DACH1: variants seen among roughly 807,000 people sequenced by gnomAD.
DACH1 encodes dachshund family transcription factor 1.
Under a neutral mutation model 54.2 loss-of-function variants are expected in DACH1, and 12 were observed. The ratio of observed to expected loss-of-function variants is 0.22; its 90% CI spans 0.14 to 0.36. DACH1 has a LOEUF of 0.36. Among genes scored for constraint, DACH1 ranks in the 10% least tolerant of loss-of-function variants. DACH1 has a pLI of 1.00. For missense variants in DACH1, 805 were observed against 929.8 expected (o/e 0.87, Z 1.75); for synonymous variants, 386 against 366.2 (o/e 1.05, Z -0.62).
intron 6 of DACH1, among the ~76,000 whole-genome samples, chr13:71,551,939 G>C (rs974117183): frequency 1.3e-5 from 2 of 151,944 alleles, no homozygotes; most frequent in Non-Finnish European, 2.9e-5. Context: ...GAAATCTTGA[G>C]CATTCCCCAC....
At chr13:71,581,285 T>C (rs968126268) in intron 3 of DACH1, among the ~76,000 whole-genome samples, 13 of 152,156 alleles carry the variant, frequency 8.5e-5, no homozygotes, top group African/African-American at 2.9e-4. Context: ...TATTATTTTT[T>C]ATACAGAATC....
intron 1 of DACH1, among the ~76,000 whole-genome samples, chr13:71,750,330 A>G (rs1228531950): frequency 6.6e-6 from 1 of 152,210 alleles, no homozygotes; most frequent in Admixed American, 6.5e-5. Flanking sequence ...CCTTGGACTA[A>G]GAAACTGTAC....
chr13:71,479,599 A>G (rs1194612686), intron 7 of DACH1, among the ~76,000 whole-genome samples: 1 of 152,162 alleles, frequency 6.6e-6, no homozygotes, highest in African/African-American at 2.4e-5. Context: ...GAATATCTAG[A>G]TCCAAAGCTA....
chr13:71,554,638 C>T (rs1884121435), intron 6 of DACH1, among the ~76,000 whole-genome samples: 1 of 152,236 alleles, frequency 6.6e-6, no homozygotes, highest in East Asian at 1.9e-4. Context: ...TTGTCTATCT[C>T]TTAGAAACTT....
chr13:71,766,340 G>C (rs1037175291), intron 1 of DACH1, among the ~76,000 whole-genome samples: 1 of 152,048 alleles, frequency 6.6e-6, no homozygotes, highest in African/African-American at 2.4e-5. Context: ...TCCAATGGCC[G>C]GGCTTCATTC....
chr13:71,550,476 G>C (rs1566333433), intron 6 of DACH1, among the ~76,000 whole-genome samples: 2 of 152,086 alleles, frequency 1.3e-5, no homozygotes, highest in Admixed American at 6.6e-5. Context: ...TGAGAAACTT[G>C]AAAGTTCAGT....
intron 1 of DACH1, among the ~76,000 whole-genome samples, chr13:71,780,237 G>A (rs539483362): frequency 6.6e-6 from 1 of 152,082 alleles, no homozygotes; most frequent in Admixed American, 6.6e-5. Flanking sequence ...AAAGAGCTTG[G>A]CAAGTTGAGG....
At chr13:71,703,201 G>T (rs1169129684) in intron 1 of DACH1, among the ~76,000 whole-genome samples, 3 of 152,134 alleles carry the variant, frequency 2.0e-5, no homozygotes, top group African/African-American at 7.2e-5. Context: ...TTCCCTTCCT[G>T]ACCTTGCCCT....
chr13:71,627,579 T>A (rs1594010183), intron 3 of DACH1, among the ~76,000 whole-genome samples: 1 of 152,044 alleles, frequency 6.6e-6, no homozygotes, highest in African/African-American at 2.4e-5. Flanking sequence ...TTCTTGGGAT[T>A]CCTTCTAGAA....
At chr13:71,799,955 T>C (rs115665133) in intron 1 of DACH1, among the ~76,000 whole-genome samples, 1 of 152,062 alleles carries the variant, frequency 6.6e-6, no homozygotes, top group African/African-American at 2.4e-5. Flanking sequence ...CTTTTTCTAT[T>C]TATGTTTAGA....
At chr13:71,752,702 G>T (rs1203505253) in intron 1 of DACH1, among the ~76,000 whole-genome samples, 1 of 152,126 alleles carries the variant, frequency 6.6e-6, no homozygotes, top group Non-Finnish European at 1.5e-5. Context: ...TCATCAGGTT[G>T]CCAGCAAGAA....
At chr13:71,524,816 A>C (rs1349360616) in intron 6 of DACH1, among the ~76,000 whole-genome samples, 1 of 152,016 alleles carries the variant, frequency 6.6e-6, no homozygotes, top group Non-Finnish European at 1.5e-5. Context: ...CTATATTTAG[A>C]GATTAAATCG....
intron 1 of DACH1, among the ~76,000 whole-genome samples, chr13:71,760,677 T>C (rs1220804833): frequency 6.6e-6 from 1 of 152,212 alleles, no homozygotes. Context: ...ATTTATGAAC[T>C]CAAGGGTGTT....
At chr13:71,594,671 G>A (rs1489269671) in intron 3 of DACH1, among the ~76,000 whole-genome samples, 2 of 151,982 alleles carry the variant, frequency 1.3e-5, no homozygotes, top group Non-Finnish European at 2.9e-5. Context: ...AAAGATTTTT[G>A]AGGACTTTTT....
At chr13:71,652,108 C>T (rs75507831) in intron 2 of DACH1, among the ~76,000 whole-genome samples, 360 of 152,148 alleles carry the variant, frequency 2.4e-3, no homozygotes, top group African/African-American at 8.5e-3. Flanking sequence ...AATGCAAATG[C>T]TTATAAAGAT....
At chr13:71,826,447 C>T (rs1888383781) in intron 1 of DACH1, among the ~76,000 whole-genome samples, 1 of 151,934 alleles carries the variant, frequency 6.6e-6, no homozygotes, top group Non-Finnish European at 1.5e-5. Flanking sequence ...TGATTTCTCA[C>T]GTGGCCAGCT....
chr13:71,713,403 A>T (rs1430352455), intron 1 of DACH1, among the ~76,000 whole-genome samples: 1 of 152,198 alleles, frequency 6.6e-6, no homozygotes, highest in Admixed American at 6.6e-5. Flanking sequence ...CTACAGAAAT[A>T]TATTATTGTT....
In DACH1 at chr13:71,866,628, C is replaced by A; in HGVS notation, c.142G>T (p.Ala48Ser). 2 of 1,395,570 alleles carry A rather than the reference C, an allele frequency of 1.4e-6. No homozygotes were observed. The highest frequency in any genetic ancestry group is 1.9e-6 in the Non-Finnish European group (2 of 1,068,236). 86.4% of individuals were successfully genotyped at this position (1,395,570 alleles called of 1,614,324 possible). Residue 48 changes from alanine (A) to serine (S), a missense_variant, in exon 1 of 11, where the codon GCG becomes TCG. Physicochemically the swap from Ala to Ser is moderately conservative, Grantham distance 99. Coordinates refer to ENST00000613252, the MANE Select transcript of DACH1 (RefSeq NM_080759.6). ...CGGAACAGAGTTGGCCCAGAGGACG[C>A]CGGGGGTCCGATGGAAGGAGCCGGA... ...SSPAPSIGPP[A>S]SSGPTLFRPE...
intron 1 of DACH1, among the ~76,000 whole-genome samples, chr13:71,742,966 A>G (rs1884459612): frequency 6.6e-6 from 1 of 152,140 alleles, no homozygotes; most frequent in South Asian, 2.1e-4. Context: ...GTCACATAAC[A>G]TATGTGAGGG....
Sources: gnomAD v4.1 joint callset for allele counts (sites outside exome capture counted in the v4.1 genomes callset) on GRCh38, gnomAD v4.1.1 for gene constraint, MANE v1.5 for transcripts, NCBI Gene and HGNC (gene_info 2026-07-23, HGNC 2026-07-21) for gene names.